Variants in NCKAP5 observed in about 807,000 individuals in gnomAD.
The protein encoded by NCKAP5 is NCK associated protein 5.
NCKAP5 carries 92 observed loss-of-function variants against 167.0 expected under a neutral mutation model. The observed-to-expected ratio is 0.55, with a 90% CI of 0.47 to 0.66. NCKAP5 has a LOEUF of 0.66. NCKAP5 is among the 30% of genes least tolerant of loss of function. NCKAP5 has a pLI of 0.00. For missense variants in NCKAP5, 2,378 were observed against 2,315.0 expected (o/e 1.03, Z -0.56); for synonymous variants, 891 against 877.4 (o/e 1.02, Z -0.27).
At chr2:132,707,278 G>A (rs1316303247) in intron 19 of NCKAP5, among the ~76,000 whole-genome samples, 4 of 152,214 alleles carry the variant, frequency 2.6e-5, no homozygotes, top group Non-Finnish European at 2.9e-5. Context: ...AAAGTAACAC[G>A]AGGCAGAACT....
intron 7 of NCKAP5, among the ~76,000 whole-genome samples, chr2:132,986,067 TA>T (rs11353984): frequency 0.011 from 1,711 of 149,448 alleles, 26 homozygotes; most frequent in African/African-American, 0.038. Context: ...TGTTAAGGCT[TA>T]AAAAAAAAAT....
intron 6 of NCKAP5, among the ~76,000 whole-genome samples, chr2:133,076,627 G>A (rs929593564): frequency 3.9e-5 from 6 of 152,196 alleles, no homozygotes; most frequent in African/African-American, 7.2e-5. Flanking sequence ...GAACACTAGA[G>A]GTGGGCAGCC....
intron 2 of NCKAP5, among the ~76,000 whole-genome samples, chr2:133,547,820 C>A (rs1198144509): frequency 2.0e-5 from 3 of 147,862 alleles, no homozygotes; most frequent in Non-Finnish European, 3.0e-5. Flanking sequence ...ACGCAGAGCG[C>A]CTCTCCTCCT....
intron 3 of NCKAP5, among the ~76,000 whole-genome samples, chr2:133,439,649 T>C (rs1356755995): frequency 6.6e-6 from 1 of 152,168 alleles, no homozygotes; most frequent in Non-Finnish European, 1.5e-5. Context: ...AGACATACCA[T>C]TCTGACCTGC....
intron 19 of NCKAP5, among the ~76,000 whole-genome samples, chr2:132,725,305 T>C (rs1343478909): frequency 6.6e-6 from 1 of 152,202 alleles, no homozygotes; most frequent in African/African-American, 2.4e-5. Context: ...TGATTTAACT[T>C]GCCAGAGTAT....
intron 7 of NCKAP5, among the ~76,000 whole-genome samples, chr2:132,976,416 T>C (rs1413766973): frequency 2.0e-5 from 3 of 151,790 alleles, no homozygotes; most frequent in Non-Finnish European, 4.4e-5. Flanking sequence ...TACAGAAAAT[T>C]AGCCGGGCAT....
At chr2:132,945,251 C>A (rs1342694900) in intron 8 of NCKAP5, among the ~76,000 whole-genome samples, 5 of 143,626 alleles carry the variant, frequency 3.5e-5, no homozygotes, top group African/African-American at 1.3e-4. Context: ...CTTACATCAA[C>A]AAATACTGGG....
At chr2:133,547,110 G>A (rs1277674989) in intron 2 of NCKAP5, among the ~76,000 whole-genome samples, 1 of 152,186 alleles carries the variant, frequency 6.6e-6, no homozygotes, top group Non-Finnish European at 1.5e-5. Context: ...GCAAAGAAAG[G>A]GGTGACGGAC....
chr2:133,010,665 A>G (rs2078127193), intron 6 of NCKAP5, among the ~76,000 whole-genome samples: 1 of 152,244 alleles, frequency 6.6e-6, no homozygotes, highest in Non-Finnish European at 1.5e-5. Context: ...CTGCTATGAT[A>G]AAACCAATAC....
At chr2:132,768,025 T>C (rs1681672186) in intron 16 of NCKAP5, among the ~76,000 whole-genome samples, 1 of 152,230 alleles carries the variant, frequency 6.6e-6, no homozygotes, top group Non-Finnish European at 1.5e-5. Context: ...CAGAAGAGAC[T>C]AGGAGTACAC....
At chr2:132,840,165 A>C (rs551885827) in intron 11 of NCKAP5, among the ~76,000 whole-genome samples, 1 of 152,332 alleles carries the variant, frequency 6.6e-6, no homozygotes, top group East Asian at 1.9e-4. Context: ...ACTAAATACA[A>C]TGACAAATAC....
At chr2:132,751,192 G>A (rs1680080858) in intron 16 of NCKAP5, among the ~76,000 whole-genome samples, 1 of 151,836 alleles carries the variant, frequency 6.6e-6, no homozygotes, top group Non-Finnish European at 1.5e-5. Flanking sequence ...GGAGGGAGTG[G>A]GTTCTCACCT....
chr2:132,759,621 A>AT (rs1281374611), intron 16 of NCKAP5, among the ~76,000 whole-genome samples: 4 of 151,882 alleles, frequency 2.6e-5, no homozygotes, highest in Admixed American at 2.6e-4. Flanking sequence ...TTTAAAATAT[A>AT]TTTTTTTCTG....
At chr2:132,714,813 A>C (rs1689204712) in intron 19 of NCKAP5, 1 of 27,708 alleles carries the variant, frequency 3.6e-5, no homozygotes, top group Non-Finnish European at 6.4e-5. Flanking sequence ...AATCCATCTC[A>C]AAAAAAAAAA....
At chr2:132,885,189 A>G (rs1574515145) in intron 8 of NCKAP5, among the ~76,000 whole-genome samples, 1 of 146,416 alleles carries the variant, frequency 6.8e-6, no homozygotes, top group South Asian at 2.2e-4. Context: ...CTACCAACTT[A>G]AGGCAACAGA....
At chr2:133,511,281 G>T (rs1157178086) in intron 3 of NCKAP5, among the ~76,000 whole-genome samples, 1 of 152,152 alleles carries the variant, frequency 6.6e-6, no homozygotes, top group Non-Finnish European at 1.5e-5. Context: ...CTCAAGACTT[G>T]CAGCAAGTAG....
intron 16 of NCKAP5, among the ~76,000 whole-genome samples, chr2:132,737,874 G>A (rs13387852): frequency 0.017 from 2,563 of 152,210 alleles, 55 homozygotes; most frequent in African/African-American, 0.058. Flanking sequence ...CATATAAGTG[G>A]CTCCTGCTCC....
chr2:133,025,142 C>T (rs2078653415), intron 6 of NCKAP5, among the ~76,000 whole-genome samples: 1 of 152,188 alleles, frequency 6.6e-6, no homozygotes, highest in Non-Finnish European at 1.5e-5. Flanking sequence ...ATCCAATTTT[C>T]TCCAACTTAT....
intron 8 of NCKAP5, among the ~76,000 whole-genome samples, chr2:132,926,925 C>A (rs915999310): frequency 3.3e-5 from 5 of 152,096 alleles, no homozygotes; most frequent in African/African-American, 4.8e-5. Flanking sequence ...ATTTTGAGGT[C>A]TTAATCGAGA....
Sources: allele counts gnomAD v4.1 joint callset (sites outside exome capture counted in the v4.1 genomes callset), GRCh38; gene constraint gnomAD v4.1.1; transcripts MANE v1.5; gene names NCBI Gene and HGNC (gene_info 2026-07-23, HGNC 2026-07-21).